The following ADAMTS12 variants were observed in gnomAD, a reference collection of about 807,000 sequenced individuals.
ADAMTS12 encodes the protein A disintegrin and metalloproteinase with thrombospondin motifs 12.
In ADAMTS12, 118 loss-of-function variants were observed where a neutral mutation model predicts 167.8. The observed-to-expected ratio is 0.70, with a 90% confidence interval of 0.61 to 0.82. The LOEUF (loss-of-function observed/expected upper bound fraction) is 0.82, where lower values mean the gene tolerates loss of function less well. Ranked by LOEUF, ADAMTS12 falls within the 40% of genes least tolerant of loss-of-function variation. The probability of loss-of-function intolerance (pLI) is 0.00; values close to 1 mark genes in which losing one functional copy is unlikely to be tolerated. For missense variants in ADAMTS12, 1,916 were observed against 1,998.8 expected, an observed-to-expected ratio of 0.96 and a Z score of 0.79; for synonymous variants, 704 against 716.9, an observed-to-expected ratio of 0.98 and a Z score of 0.29.
rs780130411 is a variant in ADAMTS12, at chr5:33,576,971, G to C, written c.3055C>G (p.Leu1019Val). The C allele has an allele frequency of 6.2e-7, 1 of 1,614,220 alleles. No homozygotes were observed. Among genetic ancestry groups the C allele is most frequent in the South Asian group, 1.1e-5 (1 of 91,078 alleles). ...TISNGKNPPT[L>V]KPVPPPTSRP... Reference sequence around the variant, plus strand: ...GATGTAGGTGGAGGGACGGGCTTTAGTGTTGGTGGGTTTTTTCCATTGGAA... The same window carrying C: ...GATGTAGGTGGAGGGACGGGCTTTACTGTTGGTGGGTTTTTTCCATTGGAA... Residue 1019 changes from leucine (L) to valine (V), a missense_variant, in exon 19 of 24, where the codon CTA becomes GTA. Transcript: ENST00000504830.
chr5:33,686,224 G>A (rs1388434688), intron 3 of ADAMTS12, among the ~76,000 whole-genome samples: 2 of 152,014 alleles, frequency 1.3e-5, no homozygotes, highest in South Asian at 2.1e-4. Context: ...CTTGGCCCCC[G>A]CAGGCTCAGC....
intron 3 of ADAMTS12, among the ~76,000 whole-genome samples, chr5:33,733,015 T>C (rs1036950296): frequency 8.6e-5 from 13 of 151,468 alleles, no homozygotes; most frequent in Non-Finnish European, 1.5e-4. Context: ...TTGTGGGTTT[T>C]ATTATATATT....
intron 2 of ADAMTS12, among the ~76,000 whole-genome samples, chr5:33,818,749 TA>T (rs1747758967): frequency 6.6e-6 from 1 of 152,160 alleles, no homozygotes; most frequent in Non-Finnish European, 1.5e-5. Context: ...CAACGTTGGT[TA>T]TCTCTTGTCT....
chr5:33,629,305 T>C (rs1215097804), intron 13 of ADAMTS12, among the ~76,000 whole-genome samples: 1 of 152,192 alleles, frequency 6.6e-6, no homozygotes, highest in African/African-American at 2.4e-5. Flanking sequence ...CTCAGAGTGC[T>C]GAATATTTAG....
At chr5:33,687,047 A>G (rs1742359804) in intron 3 of ADAMTS12, among the ~76,000 whole-genome samples, 1 of 151,032 alleles carries the variant, frequency 6.6e-6, no homozygotes. Context: ...CACCCAGTCT[A>G]TAGCATTTTG....
At chr5:33,631,587 G>C in intron 12 of ADAMTS12, among the ~76,000 whole-genome samples, 1 of 152,164 alleles carries the variant, frequency 6.6e-6, no homozygotes, top group Non-Finnish European at 1.5e-5. Context: ...TGTGAATGAA[G>C]ATAGGGTGAT....
chr5:33,787,568 T>G (rs1010868714), intron 2 of ADAMTS12, among the ~76,000 whole-genome samples: 1 of 152,172 alleles, frequency 6.6e-6, no homozygotes, highest in Non-Finnish European at 1.5e-5. Context: ...GGCAGTGACA[T>G]CAGCGATTGG....
At chr5:33,720,280 T>TCA (rs201402268) in intron 3 of ADAMTS12, among the ~76,000 whole-genome samples, 5,540 of 62,282 alleles carry the variant, frequency 0.089, 142 homozygotes, top group South Asian at 0.16. Context: ...TCTCTCTCTC[T>TCA]CACTCACACA....
At chr5:33,626,402 T>TG (rs1392806955) in intron 13 of ADAMTS12, among the ~76,000 whole-genome samples, 28 of 135,198 alleles carry the variant, frequency 2.1e-4, no homozygotes, top group Non-Finnish European at 4.3e-4. Context: ...GTGATGGTGG[T>TG]GGGGGTGATG....
chr5:33,863,064 T>C (rs1190249541), intron 2 of ADAMTS12, among the ~76,000 whole-genome samples: 1 of 152,176 alleles, frequency 6.6e-6, no homozygotes, highest in Non-Finnish European at 1.5e-5. Context: ...GAGCTATTTA[T>C]GAGAAACCCA....
intron 2 of ADAMTS12, among the ~76,000 whole-genome samples, chr5:33,841,111 C>A (rs1748730387): frequency 6.6e-6 from 1 of 152,132 alleles, no homozygotes; most frequent in African/African-American, 2.4e-5. Context: ...ACCACACAGT[C>A]TCCTGGCTGG....
intron 2 of ADAMTS12, among the ~76,000 whole-genome samples, chr5:33,800,824 T>C (rs1445549507): frequency 1.3e-5 from 2 of 152,152 alleles, no homozygotes; most frequent in Non-Finnish European, 1.5e-5. Context: ...TAAACAGAGA[T>C]GTGGTTGCTT....
At chr5:33,612,504 TC>T (rs1197014223) in intron 16 of ADAMTS12, among the ~76,000 whole-genome samples, 1 of 152,128 alleles carries the variant, frequency 6.6e-6, no homozygotes, top group Admixed American at 6.6e-5. Context: ...CTTTCAGGAG[TC>T]CCTGCCATCA....
chr5:33,638,085 C>T (rs1740279226), intron 11 of ADAMTS12, among the ~76,000 whole-genome samples: 1 of 152,158 alleles, frequency 6.6e-6, no homozygotes. Context: ...ATTTCAGAAT[C>T]ATCCATCTGT....
intron 2 of ADAMTS12, among the ~76,000 whole-genome samples, chr5:33,850,862 T>G (rs1749196191): frequency 6.6e-6 from 1 of 152,148 alleles, no homozygotes; most frequent in South Asian, 2.1e-4. Context: ...ATACCTAATT[T>G]TGCACGTATC....
At chr5:33,615,528 C>T (rs1003997067) in intron 15 of ADAMTS12, among the ~76,000 whole-genome samples, 2 of 152,128 alleles carry the variant, frequency 1.3e-5, no homozygotes, top group African/African-American at 2.4e-5. Context: ...CTTGGAAACC[C>T]GTGCCACAAT....
chr5:33,528,844 A>G (rs1167615349), intron 23 of ADAMTS12, among the ~76,000 whole-genome samples: 1 of 152,210 alleles, frequency 6.6e-6, no homozygotes, highest in East Asian at 1.9e-4. Context: ...CAGGAATTCG[A>G]GACTAGTCTA....
intron 2 of ADAMTS12, among the ~76,000 whole-genome samples, chr5:33,770,570 A>G (rs1026314717): frequency 6.6e-6 from 1 of 152,230 alleles, no homozygotes; most frequent in East Asian, 1.9e-4. Context: ...ACTCAGAAAA[A>G]TTCAGGGGTC....
intron 2 of ADAMTS12, chr5:33,880,834 C>T (rs1419755347): frequency 2.6e-6 from 1 of 380,192 alleles, no homozygotes; most frequent in African/African-American, 2.0e-5. Flanking sequence ...AAACCAAACT[C>T]AAATCCTCCC....
Sources: allele counts gnomAD v4.1 joint callset (sites outside exome capture counted in the v4.1 genomes callset), GRCh38; gene constraint gnomAD v4.1.1; transcripts MANE v1.5; gene names NCBI Gene and HGNC (gene_info 2026-07-23, HGNC 2026-07-21).